SCHIP1: variants seen among roughly 807,000 people sequenced by gnomAD.
SCHIP1 encodes schwannomin interacting protein 1, also known as schwannomin-interacting protein 1.
A neutral mutation model predicts 29.7 loss-of-function variants in SCHIP1; 8 were observed. That is an observed-to-expected ratio of 0.27 (90% confidence interval 0.16 to 0.49). The LOEUF (loss-of-function observed/expected upper bound fraction) is 0.49, where lower values mean the gene tolerates loss of function less well. Ranked by LOEUF, SCHIP1 falls within the 20% of genes least tolerant of loss-of-function variation. The pLI is 0.99. For synonymous variants in SCHIP1, 76 were observed against 94.9 expected, an observed-to-expected ratio of 0.80 and a Z score of 1.16; for missense variants, 193 against 294.6, an observed-to-expected ratio of 0.66 and a Z score of 2.52.
the SCHIP1 span, among the ~76,000 whole-genome samples, chr3:159,378,876 C>T: frequency 6.6e-6 from 1 of 152,186 alleles, no homozygotes; most frequent in South Asian, 2.1e-4. Flanking sequence ...TAAGATTCTT[C>T]CTGTTTCTTT....
the SCHIP1 span, among the ~76,000 whole-genome samples, chr3:159,649,201 C>G: frequency 5.3e-5 from 8 of 152,066 alleles, no homozygotes; most frequent in Non-Finnish European, 1.2e-4. Context: ...GATGTTTGGG[C>G]CCCTGTGTGC....
the SCHIP1 span, among the ~76,000 whole-genome samples, chr3:159,558,971 G>A: frequency 2.0e-5 from 3 of 152,118 alleles, no homozygotes; most frequent in African/African-American, 7.2e-5. Context: ...GGCAACATAT[G>A]AGACCCTATC....
the SCHIP1 span, among the ~76,000 whole-genome samples, chr3:159,693,911 G>A: frequency 6.6e-6 from 1 of 152,132 alleles, no homozygotes; most frequent in African/African-American, 2.4e-5. Context: ...TACGTGTGTC[G>A]TGAAGATCAG....
chr3:159,340,499 A>G, the SCHIP1 span, among the ~76,000 whole-genome samples: 7 of 152,318 alleles, frequency 4.6e-5, no homozygotes, highest in Admixed American at 3.3e-4. Context: ...CTAAAAATGC[A>G]TTCACATTTT....
chr3:159,554,009 TG>T, the SCHIP1 span, among the ~76,000 whole-genome samples: 14 of 126,276 alleles, frequency 1.1e-4, no homozygotes, highest in African/African-American at 5.3e-4. Context: ...TGTGTGTGTG[TG>T]TGTGTGTGTT....
the SCHIP1 span, among the ~76,000 whole-genome samples, chr3:159,473,891 C>T: frequency 6.6e-6 from 1 of 152,054 alleles, no homozygotes; most frequent in African/African-American, 2.4e-5. Context: ...TTACATAACA[C>T]ATCATGAAAA....
the SCHIP1 span, among the ~76,000 whole-genome samples, chr3:159,546,514 A>G: frequency 6.6e-6 from 1 of 151,986 alleles, no homozygotes; most frequent in Non-Finnish European, 1.5e-5. Flanking sequence ...TCAACCCATC[A>G]TCTAGGTTTT....
chr3:159,402,296 G>C, the SCHIP1 span, among the ~76,000 whole-genome samples: 1 of 152,204 alleles, frequency 6.6e-6, no homozygotes, highest in Non-Finnish European at 1.5e-5. Context: ...TGCTGGAGAG[G>C]ATGTGGAGAA....
chr3:159,329,979 T>G, the SCHIP1 span, among the ~76,000 whole-genome samples: 1 of 152,132 alleles, frequency 6.6e-6, no homozygotes, highest in East Asian at 1.9e-4. Context: ...CTCCTGTTAA[T>G]AAAACACTGA....
the SCHIP1 span, among the ~76,000 whole-genome samples, chr3:159,574,296 G>C: frequency 6.6e-6 from 1 of 152,128 alleles, no homozygotes; most frequent in Non-Finnish European, 1.5e-5. Flanking sequence ...ATGGGTTTTT[G>C]CTGTAGATGA....
the SCHIP1 span, among the ~76,000 whole-genome samples, chr3:159,553,967 C>CGTGTGT: frequency 6.0e-3 from 690 of 115,734 alleles, 3 homozygotes; most frequent in East Asian, 0.021. Flanking sequence ...CGCCCAGCTA[C>CGTGTGT]GTGTGTGTGT....
chr3:159,413,778 G>T, the SCHIP1 span, among the ~76,000 whole-genome samples: 1 of 152,160 alleles, frequency 6.6e-6, no homozygotes, highest in South Asian at 2.1e-4. Flanking sequence ...CTTTCTTCAG[G>T]TTGGTGTGAA....
chr3:159,492,947 C>A, the SCHIP1 span, among the ~76,000 whole-genome samples: 1 of 152,172 alleles, frequency 6.6e-6, no homozygotes, highest in East Asian at 1.9e-4. Flanking sequence ...GACCAATAGT[C>A]AATATTTTTA....
chr3:159,482,930 C>T, the SCHIP1 span, among the ~76,000 whole-genome samples: 4 of 152,098 alleles, frequency 2.6e-5, no homozygotes. Flanking sequence ...AGAAAAGAGA[C>T]ATTGGGCCCC....
the SCHIP1 span, among the ~76,000 whole-genome samples, chr3:159,819,688 T>A: frequency 1.3e-5 from 2 of 152,200 alleles, no homozygotes; most frequent in African/African-American, 4.8e-5. Context: ...TTCAAAGGAA[T>A]TTATGGGGAC....
chr3:159,859,704 T>C (rs1461095281), intron 1 of SCHIP1, among the ~76,000 whole-genome samples: 20 of 152,240 alleles, frequency 1.3e-4, no homozygotes, highest in Admixed American at 1.2e-3. Flanking sequence ...CCATGCCACA[T>C]GGAACAGATG....
the SCHIP1 span, among the ~76,000 whole-genome samples, chr3:159,398,561 G>A: frequency 2.0e-5 from 3 of 152,286 alleles, no homozygotes; most frequent in East Asian, 1.9e-4. Context: ...GGATTCCGGG[G>A]GAACAATTAG....
chr3:159,605,049 T>C, the SCHIP1 span, among the ~76,000 whole-genome samples: 3 of 152,132 alleles, frequency 2.0e-5, no homozygotes, highest in Admixed American at 6.6e-5. Context: ...TCAAGGGACG[T>C]GAGATGAACA....
At chr3:159,565,321 C>G in the SCHIP1 span, among the ~76,000 whole-genome samples, 1 of 152,190 alleles carries the variant, frequency 6.6e-6, no homozygotes, top group African/African-American at 2.4e-5. Context: ...CTCTTGTAAA[C>G]AAGAACATTA....
Sources: allele counts gnomAD v4.1 joint callset (sites outside exome capture counted in the v4.1 genomes callset), GRCh38; gene constraint gnomAD v4.1.1; transcripts MANE v1.5; gene names NCBI Gene and HGNC (gene_info 2026-07-23, HGNC 2026-07-21).